Variants in BAIAP2 observed in about 807,000 individuals in gnomAD.
The protein encoded by BAIAP2 is BAR/IMD domain containing adaptor protein 2, also known as BAR/IMD domain-containing adapter protein 2.
A neutral mutation model predicts 63.0 loss-of-function variants in BAIAP2; 18 were observed. The ratio of observed to expected loss-of-function variants is 0.29; its 90% CI spans 0.20 to 0.42. BAIAP2 has a LOEUF of 0.42. BAIAP2 is among the 10% of genes least tolerant of loss of function. BAIAP2 has a pLI of 1.00. For missense variants in BAIAP2, 610 were observed against 734.3 expected (o/e 0.83, Z 1.96); for synonymous variants, 386 against 307.6 (o/e 1.25, Z -2.67).
At chr17:81,109,372 TAAAAA>T (rs747875777) in intron 13 of BAIAP2, 152,968 of 871,036 alleles carry the variant, frequency 0.18, 2,805 homozygotes, top group Admixed American at 0.32. Flanking sequence ...AGAAAAATCT[TAAAAA>T]AAAAAAAAAA....
At chr17:81,112,217 G>T (rs1350701960) in intron 13 of BAIAP2, among the ~76,000 whole-genome samples, 1 of 152,218 alleles carries the variant, frequency 6.6e-6, no homozygotes, top group African/African-American at 2.4e-5. Context: ...ACCTGGTGAG[G>T]CTTGGAAGGG....
intron 13 of BAIAP2, among the ~76,000 whole-genome samples, chr17:81,115,270 G>A (rs1045109259): frequency 4.6e-5 from 7 of 152,230 alleles, no homozygotes; most frequent in East Asian, 3.9e-4. Flanking sequence ...GCAGCCCTGC[G>A]GGAGCCGTGA....
chr17:81,040,969 G>A (rs1296517074), intron 1 of BAIAP2, among the ~76,000 whole-genome samples: 1 of 152,224 alleles, frequency 6.6e-6, no homozygotes, highest in Non-Finnish European at 1.5e-5. Flanking sequence ...CTGTGCTGAG[G>A]AGTCCCCTCT....
chr17:81,071,702 G>A (rs917221118), intron 3 of BAIAP2, among the ~76,000 whole-genome samples: 4 of 152,250 alleles, frequency 2.6e-5, no homozygotes, highest in East Asian at 1.9e-4. Flanking sequence ...AGGGACTCAC[G>A]TCCAGCTCCC....
chr17:81,048,204 G>T (rs1326360425), intron 1 of BAIAP2, among the ~76,000 whole-genome samples: 2 of 152,086 alleles, frequency 1.3e-5, no homozygotes, highest in Non-Finnish European at 2.9e-5. Flanking sequence ...GGCCAACATG[G>T]TGAAACCCCG....
rs529923728 is a variant in BAIAP2 at position 81,058,821 on chromosome 17, C to G, written c.217+854C>G. On this transcript the variant is annotated intron_variant, in intron 3 of 13. Coordinates refer to ENST00000428708, the MANE Select transcript of BAIAP2 (RefSeq NM_001144888.2). ...TGGAGACCCTCGGATGGGGAAGAGTCACTGTGACTGGCCCTGTTCCCTTCT... is the reference window on the plus strand; with the variant it reads ...TGGAGACCCTCGGATGGGGAAGAGTGACTGTGACTGGCCCTGTTCCCTTCT... Among the ~76,000 whole-genome samples, 5 of 152,198 alleles carry G rather than the reference C, an allele frequency of 3.3e-5. No individual in the cohort carries two copies. The East Asian group carries it at 9.7e-4, about 29-fold the overall frequency.
intron 3 of BAIAP2, among the ~76,000 whole-genome samples, chr17:81,082,269 C>T (rs748127599): frequency 3.3e-4 from 51 of 152,324 alleles, no homozygotes; most frequent in Non-Finnish European, 5.4e-4. Flanking sequence ...CACGCTTGTG[C>T]GTGCCCACTC....
At chr17:81,099,858 G>T in intron 6 of BAIAP2, 70 bp from the exon 7 acceptor site, 1 of 1,553,260 alleles carries the variant, frequency 6.4e-7, no homozygotes, top group Non-Finnish European at 8.8e-7. Context: ...AGTCCGTGGG[G>T]CTGCCCCAAA....
At chr17:81,050,380 C>T (rs2048480539) in intron 1 of BAIAP2, among the ~76,000 whole-genome samples, 1 of 152,240 alleles carries the variant, frequency 6.6e-6, no homozygotes, top group Non-Finnish European at 1.5e-5. Context: ...TCCTGCATTC[C>T]TTCCGTGTGA....
intron 1 of BAIAP2, among the ~76,000 whole-genome samples, chr17:81,037,825 G>A (rs1383002226): frequency 1.3e-5 from 2 of 152,282 alleles, no homozygotes; most frequent in African/African-American, 4.8e-5. Context: ...CTTGGCAAAG[G>A]AGGACGCTTG....
intron 1 of BAIAP2, among the ~76,000 whole-genome samples, chr17:81,044,381 G>A (rs549526183): frequency 2.6e-5 from 4 of 152,336 alleles, no homozygotes; most frequent in South Asian, 2.1e-4. Flanking sequence ...CCAACACGGC[G>A]CCACAGACTG....
chr17:81,073,241 A>T, intron 3 of BAIAP2, among the ~76,000 whole-genome samples: 1 of 152,136 alleles, frequency 6.6e-6, no homozygotes, highest in Non-Finnish European at 1.5e-5. Flanking sequence ...CTGTGGTCCC[A>T]GCTTCCTGTG....
At chr17:81,049,059 G>A (rs972813583) in intron 1 of BAIAP2, among the ~76,000 whole-genome samples, 1 of 152,236 alleles carries the variant, frequency 6.6e-6, no homozygotes, top group Non-Finnish European at 1.5e-5. Context: ...ATGAACAAAC[G>A]AGGAACTGGA....
chr17:81,109,095 G>T, intron 13 of BAIAP2: 4 of 1,481,676 alleles, frequency 2.7e-6, no homozygotes, highest in South Asian at 1.3e-5. Context: ...GTTTGTTCTT[G>T]GGTTGTTTTT....
chr17:81,072,197 C>G (rs1425498434), intron 3 of BAIAP2, among the ~76,000 whole-genome samples: 1 of 152,244 alleles, frequency 6.6e-6, no homozygotes, highest in Non-Finnish European at 1.5e-5. Context: ...AGGGCTGCCA[C>G]TCCCTTTTCC....
intron 3 of BAIAP2, among the ~76,000 whole-genome samples, chr17:81,080,447 A>G (rs946150872): frequency 1.3e-5 from 2 of 152,242 alleles, no homozygotes; most frequent in Non-Finnish European, 2.9e-5. Flanking sequence ...CCAGCCGCAC[A>G]TTGTGGGGCT....
At chr17:81,052,285 G>C (rs1010879442) in intron 1 of BAIAP2, among the ~76,000 whole-genome samples, 1 of 152,224 alleles carries the variant, frequency 6.6e-6, no homozygotes, top group Non-Finnish European at 1.5e-5. Context: ...CGGAAGCGCT[G>C]GCCCTCCTAG....
At chr17:81,104,908 G>A (rs1178230940) in intron 10 of BAIAP2, among the ~76,000 whole-genome samples, 193 bp downstream of exon 10, 1 of 149,894 alleles carries the variant, frequency 6.7e-6, no homozygotes, top group African/African-American at 2.5e-5. Context: ...CTTCTCCCCT[G>A]GCAGGGGTCT....
chr17:81,036,549 T>A (rs184369026), intron 1 of BAIAP2, among the ~76,000 whole-genome samples: 1 of 152,350 alleles, frequency 6.6e-6, no homozygotes, highest in Admixed American at 6.5e-5. Context: ...AGGGGGCCGA[T>A]TGCACTTGAA....
Sources: gnomAD v4.1 joint callset for allele counts (sites outside exome capture counted in the v4.1 genomes callset) on GRCh38, gnomAD v4.1.1 for gene constraint, MANE v1.5 for transcripts, NCBI Gene and HGNC (gene_info 2026-07-23, HGNC 2026-07-21) for gene names.